Variants in NIPA1 observed in about 807,000 individuals in gnomAD.
The protein encoded by NIPA1 is NIPA magnesium transporter 1, also known as magnesium transporter NIPA1.
A neutral mutation model predicts 23.9 loss-of-function variants in NIPA1; 13 were observed. The observed-to-expected ratio is 0.54, with a 90% CI of 0.35 to 0.87. NIPA1 has a LOEUF of 0.87. NIPA1 is among the 40% of genes least tolerant of loss of function. The pLI, the probability that NIPA1 is intolerant of heterozygous loss-of-function variation, is 0.01. For missense variants in NIPA1, 362 were observed against 429.7 expected (o/e 0.84, Z 1.39); for synonymous variants, 234 against 202.9 (o/e 1.15, Z -1.30).
At chr15:22,787,827 TC>T (rs1211320571) in intron 1 of NIPA1, among the ~76,000 whole-genome samples, 1 of 152,164 alleles carries the variant, frequency 6.6e-6, no homozygotes, top group South Asian at 2.1e-4. Context: ...GGTGAAACTT[TC>T]TCTGAGTGAG....
intron 1 of NIPA1, among the ~76,000 whole-genome samples, chr15:22,792,131 GAA>G (rs1257016795): frequency 6.6e-6 from 1 of 152,170 alleles, no homozygotes; most frequent in Non-Finnish European, 1.5e-5. Flanking sequence ...TTATGGAAGA[GAA>G]ACATTCACAG....
chr15:22,797,009 C>A (rs1033680292), intron 1 of NIPA1, among the ~76,000 whole-genome samples: 5 of 151,644 alleles, frequency 3.3e-5, no homozygotes, highest in African/African-American at 1.2e-4. Context: ...CTCATCTCTC[C>A]ACCTGGAGGT....
intron 1 of NIPA1, among the ~76,000 whole-genome samples, chr15:22,802,409 A>AAG (rs33914827): frequency 6.6e-6 from 1 of 150,916 alleles, no homozygotes; most frequent in African/African-American, 2.4e-5. Flanking sequence ...AAAAAAAAAA[A>AAG]TTTAAACCAC....
At chr15:22,794,740 G>A (rs979276592) in intron 1 of NIPA1, among the ~76,000 whole-genome samples, 3 of 152,094 alleles carry the variant, frequency 2.0e-5, no homozygotes, top group Admixed American at 1.3e-4. Flanking sequence ...TCATACCCAC[G>A]CTCCTCATAC....
At chr15:22,823,201 G>A (rs146162711) in intron 4 of NIPA1, among the ~76,000 whole-genome samples, 2,844 of 142,856 alleles carry the variant, frequency 0.02, 92 homozygotes, top group African/African-American at 0.069. Context: ...GTGAGCCATT[G>A]TGCCCTTCTG....
intron 3 of NIPA1, among the ~76,000 whole-genome samples, chr15:22,816,486 C>CTTTT (rs71117480): frequency 0.013 from 555 of 42,282 alleles, 111 homozygotes; most frequent in African/African-American, 0.053. Flanking sequence ...CGCACCCAGC[C>CTTTT]TTTTTTTTTT....
At chr15:22,798,577 A>G (rs550531155) in intron 1 of NIPA1, among the ~76,000 whole-genome samples, 2 of 147,836 alleles carry the variant, frequency 1.4e-5, no homozygotes, top group African/African-American at 4.9e-5. Context: ...GGCAGGGTGC[A>G]CTGGCTCATG....
In NIPA1 at chr15:22,829,286, C is replaced by CT. The variant is rs1370500912; in HGVS notation, c.*5049dup. On this transcript the variant is annotated 3_prime_UTR_variant, in exon 5 of 5. Transcript: ENST00000337435. ...TGGATTTGTAATAAATGACGCTGAA[C>CT]TTCCTGCTTCCAAGCAGCTCAACCC... 2 of 152,178 alleles carry CT rather than the reference C, an allele frequency of 1.3e-5. No individual in the cohort carries two copies. The highest frequency in any genetic ancestry group is 2.1e-4 in the South Asian group (1 of 4,834). The allele number at this position is 152,178 out of a possible 1,614,324, so 9.4% of individuals were successfully genotyped here.
intron 1 of NIPA1, among the ~76,000 whole-genome samples, chr15:22,788,210 A>C (rs958439683): frequency 2.6e-5 from 4 of 152,046 alleles, no homozygotes; most frequent in Non-Finnish European, 5.9e-5. Flanking sequence ...GGAGTAGAAG[A>C]ACATCTTGCG....
chr15:22,800,887 C>T (rs1006623901), intron 1 of NIPA1, among the ~76,000 whole-genome samples: 5 of 149,974 alleles, frequency 3.3e-5, no homozygotes, highest in East Asian at 2.0e-4. Flanking sequence ...GCTGAGATCA[C>T]GCCACTGCAC....
chr15:22,794,795 TCTG>T (rs1267752840), intron 1 of NIPA1, among the ~76,000 whole-genome samples: 1 of 152,126 alleles, frequency 6.6e-6, no homozygotes, highest in Non-Finnish European at 1.5e-5. Context: ...CGAGGTTAGT[TCTG>T]CTGCTTCTGG....
rs1172002683 is a variant in NIPA1, at chr15:22,826,339, A to G, written c.*2100A>G. ...ATGCTCAAAGTCCATTACTCTTTTT[A>G]TTGGCTCTTGCAGGTTTTGTGTTTT... On this transcript the variant is annotated 3_prime_UTR_variant, in exon 5 of 5. Coordinates refer to ENST00000337435, the MANE Select transcript of NIPA1 (RefSeq NM_144599.5). The G allele has an allele frequency of 6.6e-6, 1 of 152,130 alleles. No individual in the cohort carries two copies. The highest frequency in any genetic ancestry group is 1.5e-5 in the Non-Finnish European group (1 of 68,014). The allele number at this position is 152,130 out of a possible 1,614,324, so 9.4% of individuals were successfully genotyped here.
In NIPA1 at chr15:22,820,488, G is replaced by A; in HGVS notation, c.478+15G>A. 1.2e-6 allele frequency: 2 copies of A among 1,610,180 alleles called. No homozygotes were observed. The highest frequency in any genetic ancestry group is 2.2e-5 in the South Asian group (2 of 90,996). On this transcript the variant is annotated intron_variant, in intron 4 of 4. Transcript: ENST00000337435. ...GACCAATCCAGGTAATTCCTTTCTA[G>A]CAGCACTGCCAAGAAAGTTTGCAGT...
rs1452895080 is a variant in NIPA1 at position 22,828,242 on chromosome 15, G to A, written c.*4003G>A. On this transcript the variant is annotated 3_prime_UTR_variant, in exon 5 of 5. Transcript: ENST00000337435. ...TGACCTTCCTCCCAAGGACATATCC[G>A]TGTTCATTTTTCATAGGTTTTACTC... 9 of 152,522 alleles carry A rather than the reference G, an allele frequency of 5.9e-5. No individual in the cohort carries two copies. The highest frequency in any genetic ancestry group is 1.9e-4 in the East Asian group (1 of 5,194). 9.4% of individuals were successfully genotyped at this position (152,522 alleles called of 1,614,324 possible). A position where few individuals can be genotyped will look rare whatever the true frequency, so the allele number is the denominator to read the frequency against.
chr15:22,803,385 A>G (rs1387689649), intron 1 of NIPA1, among the ~76,000 whole-genome samples: 1 of 151,822 alleles, frequency 6.6e-6, no homozygotes, highest in African/African-American at 2.4e-5. Flanking sequence ...ACTCACACAT[A>G]TATACGCATA....
chr15:22,827,965 C>A lies in NIPA1; in HGVS notation c.*3726C>A, dbSNP rs1895684384. The A allele has an allele frequency of 6.6e-6, 1 of 152,098 alleles. No individual in the cohort carries two copies. The highest frequency in any genetic ancestry group is 2.1e-4 in the South Asian group (1 of 4,824). The allele number at this position is 152,098 out of a possible 1,614,324, so 9.4% of individuals were successfully genotyped here. A position where few individuals can be genotyped will look rare whatever the true frequency, so the allele number is the denominator to read the frequency against. Reference sequence around the variant, plus strand: ...ACTCCGGTGGTTCCCAGAGCCCCTCCCGTTGTGCCGCTTCGACCTGACACC... The same window carrying A: ...ACTCCGGTGGTTCCCAGAGCCCCTCACGTTGTGCCGCTTCGACCTGACACC... On this transcript the variant is annotated 3_prime_UTR_variant, in exon 5 of 5. Coordinates refer to ENST00000337435, the MANE Select transcript of NIPA1 (RefSeq NM_144599.5).
At chr15:22,801,038 C>T (rs144923403) in intron 1 of NIPA1, among the ~76,000 whole-genome samples, 1,669 of 151,146 alleles carry the variant, frequency 0.011, 31 homozygotes, top group African/African-American at 0.038. Context: ...CATGCCACTG[C>T]ACTCCAGCTT....
chr15:22,822,144 A>G (rs1016830628), intron 4 of NIPA1, among the ~76,000 whole-genome samples: 13 of 152,172 alleles, frequency 8.5e-5, no homozygotes, highest in African/African-American at 3.1e-4. Flanking sequence ...ATAACTCTTA[A>G]TGAAGTTTTG....
intron 4 of NIPA1, among the ~76,000 whole-genome samples, chr15:22,822,985 C>T (rs1895572113): frequency 8.3e-6 from 1 of 120,542 alleles, no homozygotes; most frequent in Non-Finnish European, 1.6e-5. Context: ...GTGGTGTGAT[C>T]TCGGCTCACT....
Sources: allele counts gnomAD v4.1 joint callset (sites outside exome capture counted in the v4.1 genomes callset), GRCh38; gene constraint gnomAD v4.1.1; transcripts MANE v1.5; gene names NCBI Gene and HGNC (gene_info 2026-07-23, HGNC 2026-07-21).